Variants in NAMPT observed in about 807,000 individuals in gnomAD.
NAMPT encodes the protein nicotinamide phosphoribosyltransferase, also known as NAmPRTase.
NAMPT carries 7 observed loss-of-function variants against 58.7 expected under a neutral mutation model. The ratio of observed to expected loss-of-function variants is 0.12; its 90% CI spans 0.07 to 0.22. The LOEUF is 0.22. Ranked by LOEUF, NAMPT falls within the 10% of genes least tolerant of loss-of-function variation. The probability of loss-of-function intolerance (pLI) is 1.00; values close to 1 mark genes in which losing one functional copy is unlikely to be tolerated. For synonymous variants in NAMPT, 145 were observed against 198.1 expected (o/e 0.73, Z 2.25); for missense variants, 271 against 567.9 (o/e 0.48, Z 5.31).
intron 4 of NAMPT, 32 bp from the exon 5 acceptor site, chr7:106,269,344 G>C: frequency 2.6e-6 from 4 of 1,566,998 alleles, no homozygotes; most frequent in Non-Finnish European, 3.5e-6. Context: ...CAAATATTAA[G>C]ACATAAAATA....
At chr7:106,266,730 C>T (rs1792419507) in intron 6 of NAMPT, among the ~76,000 whole-genome samples, 1 of 152,192 alleles carries the variant, frequency 6.6e-6, no homozygotes, top group Non-Finnish European at 1.5e-5. Context: ...AGACTACCTT[C>T]TGATTTTTCC....
chr7:106,285,317 C>G, upstream of NAMPT: 1 of 535,410 alleles, frequency 1.9e-6, no homozygotes, highest in Non-Finnish European at 2.4e-6. Context: ...CGGGCGCTTA[C>G]CTAAGTTCGA....
At chr7:106,266,373 C>T (rs1415434145) in intron 6 of NAMPT, among the ~76,000 whole-genome samples, 4 of 152,126 alleles carry the variant, frequency 2.6e-5, no homozygotes, top group African/African-American at 9.7e-5. Context: ...TTTGAAATAA[C>T]CATCAACGAA....
chr7:106,266,892 CAT>C lies in NAMPT; in HGVS notation c.743+1570_743+1571del, dbSNP rs989295218. On this transcript the variant is annotated intron_variant, in intron 6 of 10. Transcript: ENST00000222553. ...TTTAGAATAGCTAGCATGATGTGCA[CAT>C]AGTTAACATTCAGTGTCAAAATATG... Among the ~76,000 whole-genome samples, 15 of 152,276 alleles carry C rather than the reference CAT, an allele frequency of 9.9e-5. No homozygotes were observed. In the South Asian group the frequency reaches 1.9e-3, roughly 19 times the overall value.
chr7:106,280,491 G>C (rs913338250), intron 1 of NAMPT, among the ~76,000 whole-genome samples: 1 of 152,122 alleles, frequency 6.6e-6, no homozygotes, highest in African/African-American at 2.4e-5. Context: ...TATTACTAAA[G>C]AAAATGGTTC....
chr7:106,266,111 G>A (rs1792403300), intron 6 of NAMPT, among the ~76,000 whole-genome samples: 1 of 152,164 alleles, frequency 6.6e-6, no homozygotes, highest in South Asian at 2.1e-4. Context: ...ATGTCAGCCG[G>A]AAGGTCACCC....
chr7:106,274,502 A>T (rs188185691), intron 3 of NAMPT, among the ~76,000 whole-genome samples: 191 of 152,274 alleles, frequency 1.3e-3, no homozygotes, highest in African/African-American at 4.2e-3. Flanking sequence ...AATGGCTATG[A>T]AATAGCCATT....
intron 7 of NAMPT, among the ~76,000 whole-genome samples, chr7:106,262,227 C>G (rs1792317539): frequency 6.6e-6 from 1 of 152,046 alleles, no homozygotes; most frequent in Non-Finnish European, 1.5e-5. Context: ...CTCCTTTGCT[C>G]TTAAAGCCAA....
At chr7:106,267,470 G>C (rs1350407558) in intron 6 of NAMPT, among the ~76,000 whole-genome samples, 2 of 152,102 alleles carry the variant, frequency 1.3e-5, no homozygotes, top group African/African-American at 4.8e-5. Flanking sequence ...AGTATTAGCA[G>C]AACTTAAATA....
intron 10 of NAMPT, among the ~76,000 whole-genome samples, chr7:106,251,891 C>T (rs533119588): frequency 2.0e-4 from 31 of 152,146 alleles, no homozygotes; most frequent in Admixed American, 1.9e-3. Context: ...AAGGAGTTAC[C>T]TGCTTCTGGT....
chr7:106,279,850 G>A (rs921032008), intron 1 of NAMPT, among the ~76,000 whole-genome samples: 7 of 152,194 alleles, frequency 4.6e-5, no homozygotes, highest in Non-Finnish European at 1.0e-4. Flanking sequence ...TCTTTGAGAA[G>A]GTGACATGTG....
upstream of NAMPT, chr7:106,285,766 C>G (rs892290585): frequency 4.0e-5 from 7 of 176,588 alleles, no homozygotes; most frequent in Non-Finnish European, 6.6e-5. Flanking sequence ...AGCAAAGAGC[C>G]TGCGTTGAAA....
rs748394320 is a variant in NAMPT at position 106,284,818 on chromosome 7, C to G, written c.57+10G>C. ...CGCTCCTCCTCATCTGCCCGGGCCC[C>G]GAGCTTTACCTTGTAGGAGTCGGTG... On this transcript the variant is annotated intron_variant, in intron 1 of 10. Coordinates refer to ENST00000222553, the MANE Select transcript of NAMPT (RefSeq NM_005746.3). 1 of 1,538,034 alleles carries G rather than the reference C, an allele frequency of 6.5e-7. No individual in the cohort carries two copies. Among genetic ancestry groups the G allele is most frequent in the South Asian group, 1.2e-5 (1 of 82,908 alleles).
chr7:106,275,124 T>C, intron 2 of NAMPT, 75 bp from the exon 3 acceptor site: 1 of 871,234 alleles, frequency 1.1e-6, no homozygotes, highest in South Asian at 1.6e-5. Flanking sequence ...ACAGACTTAA[T>C]ATCTTTGGCT....
At chr7:106,276,648 G>T (rs1391856100) in intron 2 of NAMPT, 1 of 198,714 alleles carries the variant, frequency 5.0e-6, no homozygotes, top group Non-Finnish European at 1.1e-5. Context: ...TTCAAGACCA[G>T]CCTGACCAAC....
chr7:106,269,385 T>A, intron 4 of NAMPT, 73 bp from the exon 5 acceptor site: 1 of 1,354,584 alleles, frequency 7.4e-7, no homozygotes, highest in Non-Finnish European at 1.0e-6. Flanking sequence ...ATCCTAGCTT[T>A]TTTTTTTTTT....
intron 2 of NAMPT, 49 bp downstream of exon 2, chr7:106,276,974 G>A: frequency 7.2e-7 from 1 of 1,391,276 alleles, no homozygotes; most frequent in Non-Finnish European, 1.0e-6. Context: ...ACTCCTAAAG[G>A]AGTTAAGAGT....
At chr7:106,272,099 G>T in intron 4 of NAMPT, 1 of 389,672 alleles carries the variant, frequency 2.6e-6, no homozygotes. Context: ...TAGATCCTAA[G>T]ACCTAAACTG....
chr7:106,280,182 T>C (rs1201285978), intron 1 of NAMPT, among the ~76,000 whole-genome samples: 2 of 152,262 alleles, frequency 1.3e-5, no homozygotes, highest in East Asian at 3.9e-4. Flanking sequence ...AGTTAGGGGC[T>C]ATTAGGTTAG....
Sources: gnomAD v4.1 joint callset for allele counts (sites outside exome capture counted in the v4.1 genomes callset) on GRCh38, gnomAD v4.1.1 for gene constraint, MANE v1.5 for transcripts, NCBI Gene and HGNC (gene_info 2026-07-23, HGNC 2026-07-21) for gene names.